CEMIP2: variants seen among roughly 807,000 people sequenced by gnomAD.
CEMIP2 encodes cell migration inducing hyaluronidase 2.
CEMIP2 carries 79 observed loss-of-function variants against 146.9 expected under a neutral mutation model. That is an observed-to-expected ratio of 0.54 (90% confidence interval 0.45 to 0.65). The LOEUF (loss-of-function observed/expected upper bound fraction) is 0.65, where lower values mean the gene tolerates loss of function less well. Among genes scored for constraint, CEMIP2 ranks in the 30% least tolerant of loss-of-function variants. The probability of loss-of-function intolerance (pLI) is 0.00; values close to 1 mark genes in which losing one functional copy is unlikely to be tolerated. For synonymous variants in CEMIP2, 601 were observed against 606.3 expected (o/e 0.99, Z 0.13); for missense variants, 1,596 against 1,696.2 (o/e 0.94, Z 1.04).
At chr9:71,723,536 G>A (rs989434547) in intron 11 of CEMIP2, among the ~76,000 whole-genome samples, 1 of 152,130 alleles carries the variant, frequency 6.6e-6, no homozygotes, top group Non-Finnish European at 1.5e-5. Flanking sequence ...GGGAATGAAA[G>A]CAATAAAAGC....
At chr9:71,722,915 G>C (rs1823278824) in intron 11 of CEMIP2, among the ~76,000 whole-genome samples, 2 of 152,012 alleles carry the variant, frequency 1.3e-5, no homozygotes, top group South Asian at 4.1e-4. Flanking sequence ...ATCTGGAGAG[G>C]CCTTTTTTGT....
At chr9:71,717,877 C>T (rs1823111877) in intron 13 of CEMIP2, 71 bp downstream of exon 13, 1 of 1,443,220 alleles carries the variant, frequency 6.9e-7, no homozygotes, top group South Asian at 1.4e-5. Context: ...TTTCATGCTA[C>T]TGGCTTTAAA....
chr9:71,763,876 A>G (rs1234330913), intron 1 of CEMIP2, among the ~76,000 whole-genome samples: 1 of 152,234 alleles, frequency 6.6e-6, no homozygotes, highest in Non-Finnish European at 1.5e-5. Flanking sequence ...TTATCTCTGT[A>G]TTGCTCACAG....
chr9:71,722,432 A>G lies in CEMIP2; in HGVS notation c.2262T>C (p.Ser754=). ...DPREYLCLDN[S]ARFRPHQDAN... Reference sequence around the variant, plus strand: ...CTTAAAAGAGCCAGCTTTACCTTGCACTATTGTCCAAACAGAGGTATTCCC... The same window carrying G: ...CTTAAAAGAGCCAGCTTTACCTTGCGCTATTGTCCAAACAGAGGTATTCCC... Residue 754 remains serine (S), a synonymous_variant, in exon 12 of 24, where the codon AGT becomes AGC. Transcript: ENST00000377044. 1.2e-6 allele frequency: 2 copies of G among 1,612,214 alleles called. No homozygotes were observed. The highest frequency in any genetic ancestry group is 1.7e-4 in the Middle Eastern group (1 of 6,054).
intron 21 of CEMIP2, among the ~76,000 whole-genome samples, chr9:71,693,401 C>A (rs539632678): frequency 6.6e-6 from 1 of 152,218 alleles, no homozygotes; most frequent in Non-Finnish European, 1.5e-5. Context: ...GTTGACACTG[C>A]AACTCATGTC....
chr9:71,759,645 G>A (rs1183218573), intron 1 of CEMIP2, among the ~76,000 whole-genome samples: 3 of 152,126 alleles, frequency 2.0e-5, no homozygotes, highest in Non-Finnish European at 4.4e-5. Context: ...TGATTGGATG[G>A]GGAAACAGAA....
intron 5 of CEMIP2, among the ~76,000 whole-genome samples, chr9:71,737,109 T>C (rs1823781051): frequency 6.8e-6 from 1 of 146,908 alleles, no homozygotes; most frequent in African/African-American, 2.5e-5. Context: ...TGAGTTGTGA[T>C]TGGACTACTG....
intron 8 of CEMIP2, among the ~76,000 whole-genome samples, chr9:71,730,501 T>C (rs895892202): frequency 2.6e-5 from 4 of 152,112 alleles, no homozygotes; most frequent in African/African-American, 9.6e-5. Flanking sequence ...GACATAAAAT[T>C]GAATTAAATT....
Position 71,698,020 on chromosome 9 carries a change from G to A in CEMIP2, c.3562C>T (p.Leu1188Phe). The change falls in exon 20 of 24, where the codon CTC (leucine) becomes TTC (phenylalanine). Residue 1188 changes from leucine to phenylalanine, a missense_variant. By Grantham distance (22) the Leu-to-Phe change is conservative. Transcript: ENST00000377044. ...CCACAGCCTTGACAGAGTCCAGTGA[G>A]CATGGCCGGCATCCGCTTGACCACT... The part of the protein sequence containing the change: ...PSVVKRMPAM[L>F]TGLCQGCGTR... The A allele has an allele frequency of 6.2e-7, 1 of 1,614,152 alleles. No homozygotes were observed. Among genetic ancestry groups the A allele is most frequent in the African/African-American group, 1.3e-5 (1 of 75,052 alleles).
At chr9:71,693,985 G>A (rs755273430) in intron 21 of CEMIP2, among the ~76,000 whole-genome samples, 30 of 152,298 alleles carry the variant, frequency 2.0e-4, no homozygotes, top group East Asian at 1.2e-3. Context: ...CTGTGAGGAC[G>A]CAGTAAGAAG....
At chr9:71,762,970 T>C (rs1334584135) in intron 1 of CEMIP2, among the ~76,000 whole-genome samples, 1 of 151,718 alleles carries the variant, frequency 6.6e-6, no homozygotes, top group Non-Finnish European at 1.5e-5. Context: ...GCTGTGATCA[T>C]ACCAATGCAC....
intron 11 of CEMIP2, among the ~76,000 whole-genome samples, chr9:71,724,797 G>A (rs1354830180): frequency 1.3e-5 from 2 of 152,078 alleles, no homozygotes; most frequent in Admixed American, 6.6e-5. Context: ...TGCCTAATAG[G>A]ACACTCTACC....
chr9:71,747,023 G>T (rs975749952), intron 2 of CEMIP2, among the ~76,000 whole-genome samples: 1 of 152,174 alleles, frequency 6.6e-6, no homozygotes, highest in East Asian at 1.9e-4. Flanking sequence ...TGAGATTATT[G>T]ACTTGTAGTG....
chr9:71,716,578 C>T (rs1302722671), intron 13 of CEMIP2, 26 bp from the exon 14 acceptor site: 2 of 1,559,156 alleles, frequency 1.3e-6, no homozygotes, highest in African/African-American at 1.4e-5. Context: ...GAATGAAGAA[C>T]ATTTTAATTT....
rs143977537 is a variant in CEMIP2, at chr9:71,745,518, G to A, written c.534C>T (p.Tyr178=). The part of the protein sequence containing the change: ...GSRNITLRTH[Y]ILIQDGGALH... ...GCGCCCCACCATCCTGGATCAGGAT[G>A]TAATGAGTCCTCAAAGTAATATTTC... Residue 178 remains tyrosine, a synonymous_variant, in exon 4 of 24, where the codon TAC becomes TAT. Transcript: ENST00000377044. The A allele has an allele frequency of 1.3e-4, 206 of 1,613,628 alleles. No individual in the cohort carries two copies. In the African/African-American group the frequency reaches 2.4e-3, roughly 19 times the overall value.
chr9:71,717,896 G>GA, intron 13 of CEMIP2, 52 bp downstream of exon 13: 5 of 1,523,126 alleles, frequency 3.3e-6, no homozygotes, highest in Non-Finnish European at 4.4e-6. Flanking sequence ...AAAAAAATCT[G>GA]AAAAATAATA....
chr9:71,728,286 T>TGTAC (rs1823492002), intron 10 of CEMIP2, among the ~76,000 whole-genome samples: 1 of 23,790 alleles, frequency 4.2e-5, no homozygotes, highest in Non-Finnish European at 9.4e-5. Flanking sequence ...TATATGTATA[T>TGTAC]ATATATATAT....
chr9:71,715,954 A>C (rs533235173), intron 14 of CEMIP2, among the ~76,000 whole-genome samples: 1 of 152,184 alleles, frequency 6.6e-6, no homozygotes, highest in East Asian at 1.9e-4. Context: ...TGATTTACAA[A>C]TTATATATAA....
intron 17 of CEMIP2, among the ~76,000 whole-genome samples, chr9:71,705,674 T>G (rs1432507677): frequency 6.8e-6 from 1 of 146,828 alleles, no homozygotes; most frequent in Non-Finnish European, 1.5e-5. Context: ...GAAACATTTT[T>G]AAGACTATTG....
Sources: allele counts gnomAD v4.1 joint callset (sites outside exome capture counted in the v4.1 genomes callset), GRCh38; gene constraint gnomAD v4.1.1; transcripts MANE v1.5; gene names NCBI Gene and HGNC (gene_info 2026-07-23, HGNC 2026-07-21).